Variants in SH3TC2 observed in about 807,000 individuals in gnomAD.
The protein encoded by SH3TC2 is SH3 domain and tetratricopeptide repeat-containing protein 2.
In SH3TC2, 87 loss-of-function variants were observed where a neutral mutation model predicts 124.5. The ratio of observed to expected loss-of-function variants is 0.70; its 90% CI spans 0.59 to 0.84. The LOEUF (loss-of-function observed/expected upper bound fraction) is 0.84, where lower values mean the gene tolerates loss of function less well. Ranked by LOEUF, SH3TC2 falls within the 40% of genes least tolerant of loss-of-function variation. The probability of loss-of-function intolerance (pLI) is 0.00; values close to 1 mark genes in which losing one functional copy is unlikely to be tolerated. For missense variants in SH3TC2, 1,536 were observed against 1,566.4 expected (o/e 0.98, Z 0.33); for synonymous variants, 634 against 628.5 (o/e 1.01, Z -0.13).
In SH3TC2 at chr5:148,994,233, C is replaced by T. The variant is rs973808805; in HGVS notation, c.*10478G>A. Among the ~76,000 whole-genome samples, 2 of 152,216 alleles carry T rather than the reference C, an allele frequency of 1.3e-5. No homozygotes were observed. The highest frequency in any genetic ancestry group is 2.9e-5 in the Non-Finnish European group (2 of 68,044). On this transcript the variant is annotated 3_prime_UTR_variant, in exon 17 of 17. Transcript: ENST00000515425. ...TCCTGAAGCTGCCACTCTCTATCTACAGGACTTTGGGTAAGATTAATCTCT... is the reference window on the plus strand; with the variant it reads ...TCCTGAAGCTGCCACTCTCTATCTATAGGACTTTGGGTAAGATTAATCTCT...
intron 2 of SH3TC2, among the ~76,000 whole-genome samples, chr5:149,049,591 A>G (rs562877448): frequency 6.5e-4 from 98 of 151,770 alleles, no homozygotes; most frequent in African/African-American, 2.3e-3. Context: ...ACATGCCAAA[A>G]CCCTGTCTTC....
At position 149,055,441 on chromosome 5, in the gene SH3TC2, G is replaced by T. The variant is rs528323916; in HGVS notation, c.53-3201C>A. 1.3e-3 allele frequency among the ~76,000 whole-genome samples: 197 copies of T among 151,826 alleles called. 1 individual carries two copies. Among genetic ancestry groups the T allele is most frequent in the African/African-American group, 4.6e-3 (191 of 41,354 alleles). On this transcript the variant is annotated intron_variant, in intron 1 of 16. Transcript: ENST00000515425. The stretch of plus-strand genomic sequence containing the variant: ...TATGAAAATTGTTTCACCTCATCAG[G>T]GAAATGAAAATTAAAACCACAATGG...
chr5:149,017,305 G>A (rs558340694), intron 12 of SH3TC2, among the ~76,000 whole-genome samples: 1 of 152,174 alleles, frequency 6.6e-6, no homozygotes, highest in African/African-American at 2.4e-5. Context: ...TCTATGGCCA[G>A]TCTGTGTTGT....
At position 148,989,736 on chromosome 5, in the gene SH3TC2, C is replaced by T. The variant is rs1356300677; in HGVS notation, c.*14975G>A. Among the ~76,000 whole-genome samples the T allele has an allele frequency of 6.6e-6, 1 of 152,172 alleles. No individual in the cohort carries two copies. Among genetic ancestry groups the T allele is most frequent in the African/African-American group, 2.4e-5 (1 of 41,436 alleles). ...ACTGGAACCACTCATTCAAGGGGAT[C>T]TGGAGAGTGACCCAGGATAGAGTGA... On this transcript the variant is annotated 3_prime_UTR_variant, in exon 17 of 17. Coordinates refer to ENST00000515425, the MANE Select transcript of SH3TC2 (RefSeq NM_024577.4).
chr5:149,054,903 G>A (rs953166141), intron 1 of SH3TC2, among the ~76,000 whole-genome samples: 4 of 152,214 alleles, frequency 2.6e-5, no homozygotes, highest in Non-Finnish European at 4.4e-5. Context: ...TTGAAGAAGG[G>A]AAGTCAAGGA....
intron 8 of SH3TC2, 56 bp from the exon 9 acceptor site, chr5:149,031,743 T>A: frequency 3.1e-6 from 5 of 1,609,102 alleles, no homozygotes; most frequent in South Asian, 2.2e-5. Flanking sequence ...AGACTCCATC[T>A]CCTCTTCTCT....
chr5:149,012,608 G>C lies in SH3TC2; in HGVS notation c.3180C>G (p.Asp1060Glu), dbSNP rs780060168. The C allele has an allele frequency of 6.2e-7, 1 of 1,613,984 alleles. No homozygotes were observed. Among genetic ancestry groups the C allele is most frequent in the Non-Finnish European group, 8.5e-7 (1 of 1,180,028 alleles). Residue 1060 changes from aspartate (D) to glutamate (E), a missense_variant, in exon 13 of 17, where the codon GAC (aspartate) becomes GAG (glutamate). Physicochemically the swap from Asp to Glu is conservative, Grantham distance 45 (BLOSUM62 2). Transcript: ENST00000515425. ...CCTGCAGGCACAGCTCCACCAGCTC[G>C]TCTTCCTGCATGAGGTAGTGGAGTC... Reference protein sequence around the residue: ...AGRLHYLMQEDELVELCLQAA... With the variant: ...AGRLHYLMQEEELVELCLQAA...
intron 7 of SH3TC2, among the ~76,000 whole-genome samples, chr5:149,039,652 A>C (rs1026218101): frequency 1.3e-5 from 2 of 152,266 alleles, no homozygotes; most frequent in African/African-American, 2.4e-5. Flanking sequence ...TTTGGTTCTC[A>C]TAACAACATT....
chr5:148,992,379 T>C lies in SH3TC2; in HGVS notation c.*12332A>G, dbSNP rs115312786. Among the ~76,000 whole-genome samples the C allele has an allele frequency of 2.3e-3, 349 of 152,310 alleles. No homozygotes were observed. The highest frequency in any genetic ancestry group is 7.4e-3 in the African/African-American group (307 of 41,568). On this transcript the variant is annotated 3_prime_UTR_variant, in exon 17 of 17. Transcript: ENST00000515425. ...CTGCTTTTCTGGATGTCTCCATTTT[T>C]ATCCATAAGCAGTATGTATGTCAGT...
chr5:149,044,751 C>T (rs925305690), intron 3 of SH3TC2, 113 bp from the exon 4 acceptor site: 33 of 768,198 alleles, frequency 4.3e-5, no homozygotes, highest in African/African-American at 3.8e-4. Context: ...TTGATTTTTA[C>T]GTCACCAAAA....
rs945990567 is a variant in SH3TC2, at chr5:149,026,589, C to G, written c.3036G>C (p.Arg1012=). 6.2e-7 allele frequency: 1 copy of G among 1,614,140 alleles called. No homozygotes were observed. Among genetic ancestry groups the G allele is most frequent in the Non-Finnish European group, 8.5e-7 (1 of 1,180,050 alleles). Residue 1012 remains arginine, a synonymous_variant, in exon 12 of 17, where the codon CGG becomes CGC. Transcript: ENST00000515425. ...RLLESLGQLY[R]NLNTARSLRR... Reference sequence around the variant, plus strand: ...TGACTCACCTGGCGGTATTTAGGTTCCGATAAAGCTGCCCCAGGGACTCCA... The same window carrying G: ...TGACTCACCTGGCGGTATTTAGGTTGCGATAAAGCTGCCCCAGGGACTCCA...
intron 1 of SH3TC2, among the ~76,000 whole-genome samples, chr5:149,057,947 C>T (rs2127404862): frequency 6.6e-6 from 1 of 152,308 alleles, no homozygotes; most frequent in African/African-American, 2.4e-5. Context: ...CTAGGACCCT[C>T]ATCAGCACAC....
At position 149,042,902 on chromosome 5, in the gene SH3TC2, G is replaced by C. The variant is rs1235656877; in HGVS notation, c.386-65C>G. ...TTCTGACATAGCTGAGCACAGAAGA[G>C]AGTGAGAAAATTCCCTCCTGAGCTT... is the stretch of plus-strand genomic sequence containing the variant. On this transcript the variant is annotated intron_variant, in intron 4 of 16. Transcript: ENST00000515425. 2.5e-6 allele frequency: 4 copies of C among 1,599,348 alleles called. No homozygotes were observed. The South Asian group carries it at 3.3e-5, about 13-fold the overall frequency.
In SH3TC2 at chr5:149,004,673, C is replaced by A. The variant is rs368125063; in HGVS notation, c.*38G>T. 4.3e-5 allele frequency: 70 copies of A among 1,609,552 alleles called. No individual in the cohort carries two copies. In the African/African-American group the frequency reaches 5.2e-4, roughly 12 times the overall value. The stretch of plus-strand genomic sequence containing the variant: ...GAGCCTAGGGCAGTGGGGTCAGAGT[C>A]TGGCCATGCCAAATGTCCAGAGACA... On this transcript the variant is annotated 3_prime_UTR_variant, in exon 17 of 17. Transcript: ENST00000515425.
intron 8 of SH3TC2, among the ~76,000 whole-genome samples, chr5:149,035,172 T>C (rs1446916861): frequency 1.3e-5 from 2 of 152,086 alleles, no homozygotes; most frequent in African/African-American, 4.8e-5. Context: ...CCACAAGAAA[T>C]TGAATTATAA....
At chr5:149,011,246 G>C (rs2127393085) in intron 13 of SH3TC2, among the ~76,000 whole-genome samples, 1 of 152,320 alleles carries the variant, frequency 6.6e-6, no homozygotes, top group Admixed American at 6.5e-5. Context: ...TTCATCACTG[G>C]GGCAAGATGC....
intron 1 of SH3TC2, among the ~76,000 whole-genome samples, chr5:149,058,407 T>A (rs938825169): frequency 6.6e-6 from 1 of 152,198 alleles, no homozygotes; most frequent in Non-Finnish European, 1.5e-5. Flanking sequence ...GGCCATTTTA[T>A]CTGATTGTTT....
At chr5:149,024,778 C>T (rs1754036155) in intron 12 of SH3TC2, among the ~76,000 whole-genome samples, 1 of 152,188 alleles carries the variant, frequency 6.6e-6, no homozygotes. Flanking sequence ...CCATCCCCAT[C>T]ACATCAGGTC....
At chr5:149,015,222 A>G (rs1203495408) in intron 12 of SH3TC2, among the ~76,000 whole-genome samples, 1 of 152,156 alleles carries the variant, frequency 6.6e-6, no homozygotes, top group Non-Finnish European at 1.5e-5. Context: ...TCCAAAGACA[A>G]CTGACTCTCA....
Sources: allele counts gnomAD v4.1 joint callset (sites outside exome capture counted in the v4.1 genomes callset), GRCh38; gene constraint gnomAD v4.1.1; transcripts MANE v1.5; gene names NCBI Gene and HGNC (gene_info 2026-07-23, HGNC 2026-07-21).